RIT2: variants seen among roughly 807,000 people sequenced by gnomAD.
The protein encoded by RIT2 is Ras like without CAAX 2.
RIT2 carries 24 observed loss-of-function variants against 23.7 expected under a neutral mutation model. That is an observed-to-expected ratio of 1.01 (90% confidence interval 0.73 to 1.43). The LOEUF is 1.43. Among genes scored for constraint, RIT2 ranks in the 40% most tolerant of loss-of-function variants. The pLI is 0.00. For synonymous variants in RIT2, 107 were observed against 91.1 expected, an observed-to-expected ratio of 1.17 and a Z score of -0.99; for missense variants, 236 against 266.9, an observed-to-expected ratio of 0.88 and a Z score of 0.81.
At chr18:42,830,779 TTCAA>T (rs1247952449) in intron 4 of RIT2, among the ~76,000 whole-genome samples, 1 of 152,206 alleles carries the variant, frequency 6.6e-6, no homozygotes, top group East Asian at 1.9e-4. Context: ...CAAGTTCTGC[TTCAA>T]TCATAGATAG....
intron 2 of RIT2, among the ~76,000 whole-genome samples, chr18:42,980,454 G>T (rs1481223047): frequency 3.3e-5 from 5 of 151,938 alleles, no homozygotes; most frequent in Admixed American, 2.0e-4. Flanking sequence ...TCAGAGGGAT[G>T]CTGATTGGTG....
At chr18:42,836,857 C>T (rs929961716) in intron 4 of RIT2, among the ~76,000 whole-genome samples, 1 of 152,160 alleles carries the variant, frequency 6.6e-6, no homozygotes, top group African/African-American at 2.4e-5. Flanking sequence ...TTTAATCAAA[C>T]CTTTCCCCAA....
intron 2 of RIT2, among the ~76,000 whole-genome samples, chr18:43,032,433 A>G (rs1598754723): frequency 6.6e-6 from 1 of 152,224 alleles, no homozygotes; most frequent in East Asian, 1.9e-4. Context: ...CATAAATTAT[A>G]TATTATATTA....
chr18:42,794,277 A>G (rs1914106267), intron 4 of RIT2, among the ~76,000 whole-genome samples: 1 of 152,182 alleles, frequency 6.6e-6, no homozygotes, highest in Non-Finnish European at 1.5e-5. Context: ...GCAATGTTGT[A>G]GCCATGGTTC....
At chr18:43,025,776 T>C (rs1911702485) in intron 2 of RIT2, among the ~76,000 whole-genome samples, 1 of 152,084 alleles carries the variant, frequency 6.6e-6, no homozygotes, top group African/African-American at 2.4e-5. Context: ...GAGAGCTAAA[T>C]ATTGTGTACA....
intron 4 of RIT2, among the ~76,000 whole-genome samples, chr18:42,789,311 G>C (rs916888819): frequency 6.6e-6 from 1 of 152,168 alleles, no homozygotes; most frequent in Non-Finnish European, 1.5e-5. Flanking sequence ...TGGTCCGTAG[G>C]CTACACTTTG....
chr18:42,786,782 A>G (rs1913931752), intron 4 of RIT2, among the ~76,000 whole-genome samples: 1 of 152,142 alleles, frequency 6.6e-6, no homozygotes, highest in Non-Finnish European at 1.5e-5. Flanking sequence ...AGAAAAACCC[A>G]TCACCTTTCT....
intron 2 of RIT2, among the ~76,000 whole-genome samples, chr18:42,990,947 G>A (rs1450147988): frequency 7.1e-6 from 1 of 141,224 alleles, no homozygotes; most frequent in Non-Finnish European, 1.5e-5. Context: ...CTAACCAAAG[G>A]AGTACAGAGA....
intron 4 of RIT2, among the ~76,000 whole-genome samples, chr18:42,849,814 G>A (rs1907002488): frequency 6.6e-6 from 1 of 152,066 alleles, no homozygotes; most frequent in African/African-American, 2.4e-5. Flanking sequence ...ACCCTAGGAA[G>A]GCAGGAAAAC....
intron 4 of RIT2, among the ~76,000 whole-genome samples, chr18:42,838,795 G>A (rs1349774210): frequency 6.6e-6 from 1 of 152,156 alleles, no homozygotes; most frequent in Non-Finnish European, 1.5e-5. Context: ...AAGCCCATGA[G>A]TCCGGATTAG....
At chr18:43,003,761 G>GACACACACACAC (rs56860348) in intron 2 of RIT2, among the ~76,000 whole-genome samples, 9 of 129,588 alleles carry the variant, frequency 6.9e-5, no homozygotes, top group East Asian at 2.3e-4. Flanking sequence ...CCTCCTCAGT[G>GACACACACACAC]ACACACACAC....
At chr18:43,033,992 A>C (rs1911917535) in intron 1 of RIT2, 125 bp from the exon 2 acceptor site, 2 of 599,300 alleles carry the variant, frequency 3.3e-6, no homozygotes, top group Admixed American at 6.3e-5. Context: ...TGAGTGACTA[A>C]TTTAATTTCA....
At chr18:42,942,919 T>C (rs1014187648) in intron 3 of RIT2, among the ~76,000 whole-genome samples, 1 of 152,206 alleles carries the variant, frequency 6.6e-6, no homozygotes, top group Non-Finnish European at 1.5e-5. Context: ...TTGAACTGCA[T>C]GGTGCTAGTG....
intron 4 of RIT2, among the ~76,000 whole-genome samples, chr18:42,771,561 T>C (rs1470238639): frequency 6.6e-6 from 1 of 152,178 alleles, no homozygotes; most frequent in African/African-American, 2.4e-5. Context: ...TTGGTATTAC[T>C]ATACAGTATA....
intron 4 of RIT2, among the ~76,000 whole-genome samples, chr18:42,884,626 A>G (rs550361799): frequency 9.0e-4 from 137 of 152,340 alleles, no homozygotes; most frequent in African/African-American, 2.8e-3. Flanking sequence ...TGAGTGTATT[A>G]TTACATTACC....
chr18:42,839,807 A>G (rs1171105891), intron 4 of RIT2, among the ~76,000 whole-genome samples: 6 of 152,190 alleles, frequency 3.9e-5, no homozygotes, highest in South Asian at 2.1e-4. Context: ...CTGACCCACA[A>G]CCTTCAACAA....
chr18:42,979,962 G>T (rs934557419), intron 2 of RIT2, among the ~76,000 whole-genome samples: 1 of 152,142 alleles, frequency 6.6e-6, no homozygotes, highest in Non-Finnish European at 1.5e-5. Context: ...TTGAGCTAAG[G>T]TCAGTTCTTC....
chr18:42,937,165 A>G (rs1282446037), intron 3 of RIT2, among the ~76,000 whole-genome samples: 3 of 152,176 alleles, frequency 2.0e-5, no homozygotes, highest in Admixed American at 6.5e-5. Flanking sequence ...CAATGTGAAG[A>G]TTAAATAACA....
chr18:42,987,439 T>C (rs1910737382), intron 2 of RIT2, among the ~76,000 whole-genome samples: 1 of 152,146 alleles, frequency 6.6e-6, no homozygotes, highest in Non-Finnish European at 1.5e-5. Flanking sequence ...TCCCAACTCA[T>C]CTACAGCTGT....
Sources: gnomAD v4.1 joint callset for allele counts (sites outside exome capture counted in the v4.1 genomes callset) on GRCh38, gnomAD v4.1.1 for gene constraint, MANE v1.5 for transcripts, NCBI Gene and HGNC (gene_info 2026-07-23, HGNC 2026-07-21) for gene names.